MAP1A: variants seen among roughly 807,000 people sequenced by gnomAD.
MAP1A encodes microtubule associated protein 1A.
In MAP1A, 42 loss-of-function variants were observed where a neutral mutation model predicts 185.9. The observed-to-expected ratio is 0.23, with a 90% CI of 0.18 to 0.29. MAP1A has a LOEUF of 0.29. Among genes scored for constraint, MAP1A ranks in the 10% least tolerant of loss-of-function variants. The pLI, the probability that MAP1A is intolerant of heterozygous loss-of-function variation, is 1.00. For synonymous variants in MAP1A, 1,229 were observed against 1,335.9 expected (o/e 0.92, Z 1.74); for missense variants, 2,995 against 3,450.4 (o/e 0.87, Z 3.31).
Position 43,526,372 on chromosome 15 carries a change from C to A in MAP1A, c.4899C>A (p.Ala1633=), listed in dbSNP as rs1190322384. The change falls in exon 4 of 6, where the codon GCC becomes GCA. Residue 1633 remains alanine (A), a synonymous_variant. Transcript: ENST00000300231. This position sits in a 1 kb window ranked among gnomAD's most constrained non-coding sequence, Gnocchi z 4.7. ...AGAGCCTAGTGCAGGAGGGCAGGGC[C>A]AGAGAGCAGGAAGAAAAGTACTGGA... ...LEESLVQEGR[A]REQEEKYWRG... 1.2e-6 allele frequency: 2 copies of A among 1,614,136 alleles called. No homozygotes were observed. Among genetic ancestry groups the A allele is most frequent in the Admixed American group, 3.3e-5 (2 of 60,022 alleles).
chr15:43,528,421 G>C lies in MAP1A; in HGVS notation c.6948G>C (p.Leu2316Phe). Residue 2316 changes from leucine to phenylalanine, a missense_variant, in exon 4 of 6, where the codon TTG becomes TTC. Leu to Phe is a conservative substitution (Grantham distance 22, BLOSUM62 0). This residue lies in a region of MAP1A where 2,728 missense variants were observed against 2,986.0 expected (regional missense o/e 0.91). Coordinates refer to ENST00000300231, the MANE Select transcript of MAP1A (RefSeq NM_002373.6). ...CAGCACCCCCAGCTTCACTGGACTTGGCCCTAGCTCCAGCTCCAAGCCTGC... is the reference window on the plus strand; with the variant it reads ...CAGCACCCCCAGCTTCACTGGACTTCGCCCTAGCTCCAGCTCCAAGCCTGC... ...LSPAPPASLD[L>F]ALAPAPSLPG... 1 of 1,613,632 alleles carries C rather than the reference G, an allele frequency of 6.2e-7. No individual in the cohort carries two copies. The highest frequency in any genetic ancestry group is 8.5e-7 in the Non-Finnish European group (1 of 1,180,020).
At position 43,523,919 on chromosome 15, in the gene MAP1A, G is replaced by A. The variant is rs2079331078; in HGVS notation, c.2446G>A (p.Val816Met). Residue 816 changes from valine to methionine, a missense_variant, in exon 4 of 6, where the codon GTG becomes ATG. By Grantham distance (21) the Val-to-Met change is conservative. Coordinates refer to ENST00000300231, the MANE Select transcript of MAP1A (RefSeq NM_002373.6). ...TGAACTCACCTACCCCACTAACATA[G>A]TGGCTGCCCCTTTGGCTGAAGAGGA... is the stretch of plus-strand genomic sequence containing the variant. ...ETELTYPTNI[V>M]AAPLAEEEHV... 1.2e-6 allele frequency: 2 copies of A among 1,614,170 alleles called. No homozygotes were observed. Among genetic ancestry groups the A allele is most frequent in the Admixed American group, 3.3e-5 (2 of 60,022 alleles).
chr15:43,520,282 GC>G (rs898612124), intron 1 of MAP1A, among the ~76,000 whole-genome samples: 2 of 152,132 alleles, frequency 1.3e-5, no homozygotes, highest in African/African-American at 4.8e-5. Flanking sequence ...CTCCAGCTGA[GC>G]CCCCCATCCC....
At position 43,530,073 on chromosome 15, in the gene MAP1A, C is replaced by T; in HGVS notation, c.8261C>T (p.Thr2754Ile). 6.2e-7 allele frequency: 1 copy of T among 1,614,110 alleles called. No individual in the cohort carries two copies. The highest frequency in any genetic ancestry group is 8.5e-7 in the Non-Finnish European group (1 of 1,179,970). The change falls in exon 6 of 6, where the codon ACT becomes ATT. Residue 2754 changes from threonine to isoleucine, a missense_variant. Transcript: ENST00000300231. ...CATATCTTATCTCCCTTCTAGGTGACTCTGATCCCTACTCATGACACGGAG... is the reference window on the plus strand; with the variant it reads ...CATATCTTATCTCCCTTCTAGGTGATTCTGATCCCTACTCATGACACGGAG... The part of the protein sequence containing the change: ...KAQWGENLQV[T>I]LIPTHDTEVT...
rs1416158592 is a variant in MAP1A, at chr15:43,520,861, G to A, written c.-291-111G>A. On this transcript the variant is annotated intron_variant, in intron 2 of 5. Transcript: ENST00000300231. ...CGTATTGTCTCCAGCCCACTCTGGA[G>A]GTGTTATGAGGGACATAAGTTGGGA... The A allele has an allele frequency of 2.3e-6, 3 of 1,306,538 alleles. No homozygotes were observed. In the East Asian group the frequency reaches 7.6e-5, roughly 33 times the overall value. The allele number at this position is 1,306,538 out of a possible 1,614,324, so 80.9% of individuals were successfully genotyped here. A position where few individuals can be genotyped will look rare whatever the true frequency, so the allele number is the denominator to read the frequency against.
intron 1 of MAP1A, chr15:43,511,278 G>A (rs2079276224): frequency 7.0e-7 from 1 of 1,419,900 alleles, no homozygotes. Flanking sequence ...GTGCTTCTCC[G>A]CCTTCTGCAT....
chr15:43,521,453 C>A lies in MAP1A; in HGVS notation c.-21C>A, dbSNP rs772626887. 6.8e-6 allele frequency: 11 copies of A among 1,614,162 alleles called. 1 individual carries two copies. Among genetic ancestry groups the A allele is most frequent in the Middle Eastern group, 1.6e-4 (1 of 6,062 alleles). ...AGAGACCCTGCACCTCCGGCTAAAC[C>A]CTGAGCCCACTCTGCCCACCATGGA... On this transcript the variant is annotated 5_prime_UTR_variant, in exon 4 of 6. Transcript: ENST00000300231. This position sits in a 1 kb window ranked among gnomAD's most constrained non-coding sequence, Gnocchi z 4.6.
Position 43,522,583 on chromosome 15 carries a change from C to T in MAP1A, c.1110C>T (p.Pro370=), listed in dbSNP as rs768323618. ...AGGCAAAAGAGTCATCTGAGAAGCC[C>T]CCAGAGAAGCCTGCCAAGCCTGAGA... ...EKKAKESSEK[P]PEKPAKPERV... Residue 370 remains proline, a synonymous_variant, in exon 4 of 6, where the codon CCC becomes CCT. Transcript: ENST00000300231. The surrounding 1 kb of genome is among the most constrained non-coding windows in gnomAD (Gnocchi z 5.9). 1.2e-6 allele frequency: 2 copies of T among 1,611,640 alleles called. No individual in the cohort carries two copies. Among genetic ancestry groups the T allele is most frequent in the South Asian group, 2.2e-5 (2 of 90,776 alleles).
rs2079366764 is a variant in MAP1A at position 43,530,324 on chromosome 15, G to A, written c.*100G>A. On this transcript the variant is annotated 3_prime_UTR_variant, in exon 6 of 6. Transcript: ENST00000300231. ...GGTTGAGGGAGATGGGAGCTAGGGG[G>A]AGGGGAGGGAGATGTCTTGTTGTGG... is the stretch of plus-strand genomic sequence containing the variant. 2.1e-6 allele frequency: 3 copies of A among 1,450,010 alleles called. No homozygotes were observed. The highest frequency in any genetic ancestry group is 2.3e-5 in the East Asian group (1 of 43,840). The allele number at this position is 1,450,010 out of a possible 1,614,324, so 89.8% of individuals were successfully genotyped here.
Position 43,528,314 on chromosome 15 carries a change from G to A in MAP1A, c.6841G>A (p.Ala2281Thr), listed in dbSNP as rs1323028047. The A allele has an allele frequency of 1.9e-6, 3 of 1,613,986 alleles. No individual in the cohort carries two copies. Among genetic ancestry groups the A allele is most frequent in the Non-Finnish European group, 2.5e-6 (3 of 1,180,044 alleles). Residue 2281 changes from alanine to threonine, a missense_variant, in exon 4 of 6, where the codon GCT becomes ACT. Ala to Thr is a moderately conservative substitution (Grantham distance 58, BLOSUM62 0). This residue lies in a region of MAP1A where 2,728 missense variants were observed against 2,986.0 expected (regional missense o/e 0.91). Coordinates refer to ENST00000300231, the MANE Select transcript of MAP1A (RefSeq NM_002373.6). ...GGAGCGCTTCTCTCCAAGCCTTGAG[G>A]CTGCAGAACAGGAGTCTGGAGAGCT... Reference protein sequence around the residue: ...VAERFSPSLEAAEQESGELDP... With the variant: ...VAERFSPSLETAEQESGELDP...
At chr15:43,518,176 A>G (rs1396904777) in intron 1 of MAP1A, among the ~76,000 whole-genome samples, 1 of 152,068 alleles carries the variant, frequency 6.6e-6, no homozygotes. Flanking sequence ...CAAGTAAGGG[A>G]AGGTGGGGGA....
At chr15:43,519,751 A>T (rs955031379) in intron 1 of MAP1A, among the ~76,000 whole-genome samples, 1 of 152,192 alleles carries the variant, frequency 6.6e-6, no homozygotes, top group Non-Finnish European at 1.5e-5. Context: ...GGCCTGGGGA[A>T]CACCCTGAAT....
chr15:43,518,212 G>A (rs1173822028), intron 1 of MAP1A, among the ~76,000 whole-genome samples: 3 of 151,982 alleles, frequency 2.0e-5, no homozygotes, highest in Non-Finnish European at 2.9e-5. Flanking sequence ...GGGAGGAAAG[G>A]GTCACTAAGA....
chr15:43,523,173 G>C lies in MAP1A; in HGVS notation c.1700G>C (p.Gly567Ala), dbSNP rs2079326926. The C allele has an allele frequency of 6.2e-7, 1 of 1,614,094 alleles. No homozygotes were observed. The highest frequency in any genetic ancestry group is 8.5e-7 in the Non-Finnish European group (1 of 1,180,010). ...KPFPLDTAEE[G>A]PPSTAIQGTP... ...TTCCCTCTAGACACTGCAGAGGAGG[G>C]ACCCCCAAGTACAGCTATCCAGGGA... is the stretch of plus-strand genomic sequence containing the variant. Residue 567 changes from glycine (G) to alanine (A), a missense_variant, in exon 4 of 6, where the codon GGA becomes GCA. Gly to Ala is a moderately conservative substitution (Grantham distance 60). Coordinates refer to ENST00000300231, the MANE Select transcript of MAP1A (RefSeq NM_002373.6).
In MAP1A at chr15:43,525,240, C is replaced by T. The variant is rs747730100; in HGVS notation, c.3767C>T (p.Pro1256Leu). Residue 1256 changes from proline (P) to leucine (L), a missense_variant, in exon 4 of 6, where the codon CCA (proline) becomes CTA (leucine). Coordinates refer to ENST00000300231, the MANE Select transcript of MAP1A (RefSeq NM_002373.6). Reference protein sequence around the residue: ...TSHHTAPMSVPEPHAATASPP... With the variant: ...TSHHTAPMSVLEPHAATASPP... ...CACCACACAGCTCCCATGTCTGTTC[C>T]AGAGCCCCATGCAGCCACAGCGTCA... 5.6e-6 allele frequency: 9 copies of T among 1,614,012 alleles called. No homozygotes were observed. The highest frequency in any genetic ancestry group is 7.6e-6 in the Non-Finnish European group (9 of 1,180,026).
At position 43,531,362 on chromosome 15, in the gene MAP1A, C is replaced by T. The variant is rs936421587; in HGVS notation, c.*1138C>T. 6 of 152,740 alleles carry T rather than the reference C, an allele frequency of 3.9e-5. No homozygotes were observed. The highest frequency in any genetic ancestry group is 1.2e-4 in the African/African-American group (5 of 41,446). The allele number at this position is 152,740 out of a possible 1,614,324, so 9.5% of individuals were successfully genotyped here. A position where few individuals can be genotyped will look rare whatever the true frequency, so the allele number is the denominator to read the frequency against. On this transcript the variant is annotated 3_prime_UTR_variant, in exon 6 of 6. Transcript: ENST00000300231. Reference sequence around the variant, plus strand: ...AAAATACCACCCCAGGAGAGGACCTCGCCCCAAGCAAGCCAGTGAGCAGCC... The same window carrying T: ...AAAATACCACCCCAGGAGAGGACCTTGCCCCAAGCAAGCCAGTGAGCAGCC...
In MAP1A at chr15:43,524,460, C is replaced by T; in HGVS notation, c.2987C>T (p.Ser996Phe). ...SPDDSTVKMASPPPSGPPSAT... is the reference protein window; with the variant it reads ...SPDDSTVKMAFPPPSGPPSAT... ...GATGACAGCACAGTGAAGATGGCTT[C>T]TCCTCCACCATCTGGCCCACCCAGT... Residue 996 changes from serine (S) to phenylalanine (F), a missense_variant, in exon 4 of 6, where the codon TCT (serine) becomes TTT (phenylalanine). Physicochemically the swap from Ser to Phe is radical, Grantham distance 155. This residue lies in a region of MAP1A where 2,728 missense variants were observed against 2,986.0 expected (regional missense o/e 0.91). Transcript: ENST00000300231. 6.2e-7 allele frequency: 1 copy of T among 1,614,186 alleles called. No individual in the cohort carries two copies. The highest frequency in any genetic ancestry group is 1.6e-4 in the Middle Eastern group (1 of 6,062).
rs778685375 is a variant in MAP1A at position 43,526,289 on chromosome 15, G to A, written c.4816G>A (p.Ala1606Thr). 4.3e-6 allele frequency: 7 copies of A among 1,614,216 alleles called. No homozygotes were observed. The East Asian group carries it at 1.3e-4, about 31-fold the overall frequency. Residue 1606 changes from alanine to threonine, a missense_variant, in exon 4 of 6, where the codon GCC (alanine) becomes ACC (threonine). Ala to Thr is a moderately conservative substitution (Grantham distance 58). Transcript: ENST00000300231. This position sits in a 1 kb window ranked among gnomAD's most constrained non-coding sequence, Gnocchi z 4.7. ...GGAAAAATCCCCAGAAAAGGTCAAG[G>A]CCATGGAAGAGAAGTTAGAAGCTCT... Reference protein sequence around the residue: ...LEEKSPEKVKAMEEKLEALLE... With the variant: ...LEEKSPEKVKTMEEKLEALLE...
rs200131978 is a variant in MAP1A, at chr15:43,521,577, T to G, written c.104T>G (p.Leu35Arg). Reference protein sequence around the residue: ...EPPTSGGFLKLSKPCCYIFPG... With the variant: ...EPPTSGGFLKRSKPCCYIFPG... ...CCCACCTCAGGGGGCTTCCTCAAGC[T>G]CTCCAAGCCTTGTTGCTACATCTTC... Residue 35 changes from leucine (L) to arginine (R), a missense_variant, in exon 4 of 6, where the codon CTC (leucine) becomes CGC (arginine). Leu to Arg is a moderately radical substitution (Grantham distance 102). Transcript: ENST00000300231. The surrounding 1 kb of genome is among the most constrained non-coding windows in gnomAD (Gnocchi z 4.6). The G allele has an allele frequency of 6.2e-7, 1 of 1,614,088 alleles. No homozygotes were observed. The highest frequency in any genetic ancestry group is 2.2e-5 in the East Asian group (1 of 44,878).
Sources: gnomAD v4.1 joint callset for allele counts (sites outside exome capture counted in the v4.1 genomes callset) on GRCh38, gnomAD v4.1.1 for gene constraint, gnomAD v4.1.1 regional missense constraint, Gnocchi (gnomAD v3.1) non-coding constraint, MANE v1.5 for transcripts, NCBI Gene and HGNC (gene_info 2026-07-23, HGNC 2026-07-21) for gene names.